The following ZFPM2 variants were observed in gnomAD, a reference collection of about 807,000 sequenced individuals.
ZFPM2 encodes the protein zinc finger protein ZFPM2.
Under a neutral mutation model 98.6 loss-of-function variants are expected in ZFPM2, and 20 were observed. The observed-to-expected ratio is 0.20, with a 90% CI of 0.14 to 0.29. The LOEUF (loss-of-function observed/expected upper bound fraction) is 0.29, where lower values mean the gene tolerates loss of function less well. ZFPM2 is among the 10% of genes least tolerant of loss of function. ZFPM2 has a pLI of 1.00. For synonymous variants in ZFPM2, 518 were observed against 502.7 expected (o/e 1.03, Z -0.41); for missense variants, 1,310 against 1,388.6 (o/e 0.94, Z 0.90).
chr8:105,694,561 T>G (rs1245862322), intron 5 of ZFPM2, among the ~76,000 whole-genome samples: 1 of 152,156 alleles, frequency 6.6e-6, no homozygotes, highest in African/African-American at 2.4e-5. Context: ...AAAAACTAAA[T>G]AAGATATTCA....
At chr8:105,441,478 G>GAAAGAAAGA (rs1563660062) in intron 2 of ZFPM2, among the ~76,000 whole-genome samples, 1 of 71,574 alleles carries the variant, frequency 1.4e-5, no homozygotes. Context: ...AAGAAAGAAA[G>GAAAGAAAGA]AAAGAAAGAA....
At chr8:105,787,040 A>G (rs987826995) in intron 5 of ZFPM2, 2 of 152,250 alleles carry the variant, frequency 1.3e-5, no homozygotes, top group Non-Finnish European at 2.9e-5. Flanking sequence ...CAGTGGAAAG[A>G]TAAGATGCAA....
chr8:105,421,711 A>G (rs1192486683), intron 2 of ZFPM2, among the ~76,000 whole-genome samples: 1 of 152,158 alleles, frequency 6.6e-6, no homozygotes, highest in Non-Finnish European at 1.5e-5. Context: ...AGTGACGCAT[A>G]ATTATGTTTT....
rs57538149 is a variant in ZFPM2 at position 105,587,138 on chromosome 8, G to A, written c.420+25657G>A. 3.0e-3 allele frequency among the ~76,000 whole-genome samples: 452 copies of A among 151,632 alleles called. 4 individuals are homozygous for A. The highest frequency in any genetic ancestry group is 0.01 in the African/African-American group (424 of 41,408). On this transcript the variant is annotated intron_variant, in intron 4 of 7. Transcript: ENST00000407775. ...AAAAAATACAAAAAATTAACCGGGC[G>A]TGGTGGCGGGCACCTGTAGTCCCAG...
At chr8:105,510,596 A>G (rs1813798391) in intron 3 of ZFPM2, among the ~76,000 whole-genome samples, 1 of 152,114 alleles carries the variant, frequency 6.6e-6, no homozygotes, top group Admixed American at 6.5e-5. Context: ...ATTCACAGTA[A>G]AGGTCTCTGG....
At chr8:105,683,837 G>A (rs115256807) in intron 5 of ZFPM2, among the ~76,000 whole-genome samples, 161 of 152,116 alleles carry the variant, frequency 1.1e-3, no homozygotes, top group African/African-American at 3.6e-3. Context: ...TACCCAATTC[G>A]TGTGTTTAGC....
At position 105,397,703 on chromosome 8, in the gene ZFPM2, A is replaced by G. The variant is rs867926963; in HGVS notation, c.41-21441A>G. 3.3e-5 allele frequency among the ~76,000 whole-genome samples: 5 copies of G among 152,244 alleles called. No individual in the cohort carries two copies. The South Asian group carries it at 1.0e-3, about 32-fold the overall frequency. On this transcript the variant is annotated intron_variant, in intron 1 of 7. Transcript: ENST00000407775. Reference sequence around the variant, plus strand: ...GTCTTTGACAATTAAGTTTTATTAAAATTTCCTATAGTTTGTTGTGCCATA... The same window carrying G: ...GTCTTTGACAATTAAGTTTTATTAAGATTTCCTATAGTTTGTTGTGCCATA...
chr8:105,469,334 C>A (rs1394549187), intron 3 of ZFPM2, among the ~76,000 whole-genome samples: 2 of 152,104 alleles, frequency 1.3e-5, no homozygotes, highest in African/African-American at 4.8e-5. Flanking sequence ...CTGTAATGAT[C>A]TCTTCTGTTT....
At chr8:105,406,294 G>A (rs1303009168) in intron 1 of ZFPM2, among the ~76,000 whole-genome samples, 1 of 152,032 alleles carries the variant, frequency 6.6e-6, no homozygotes, top group Admixed American at 6.6e-5. Context: ...GATCCCAATT[G>A]TCAATTTTGG....
intron 4 of ZFPM2, among the ~76,000 whole-genome samples, chr8:105,564,865 T>G (rs1465599037): frequency 6.6e-6 from 1 of 152,132 alleles, no homozygotes; most frequent in African/African-American, 2.4e-5. Context: ...AAAAGTTAAT[T>G]CAAAGACTTC....
At chr8:105,407,490 C>T (rs1279605878) in intron 1 of ZFPM2, among the ~76,000 whole-genome samples, 1 of 151,872 alleles carries the variant, frequency 6.6e-6, no homozygotes, top group East Asian at 1.9e-4. Flanking sequence ...ATTTGTCTGT[C>T]TCTGAGGTCT....
chr8:105,523,501 G>A (rs1337979105), intron 3 of ZFPM2, among the ~76,000 whole-genome samples: 7 of 152,164 alleles, frequency 4.6e-5, no homozygotes, highest in Non-Finnish European at 1.0e-4. Context: ...TGGTGGGATC[G>A]TCAGTATGCA....
intron 5 of ZFPM2, among the ~76,000 whole-genome samples, chr8:105,648,821 A>G (rs1817108387): frequency 6.6e-6 from 1 of 152,128 alleles, no homozygotes; most frequent in African/African-American, 2.4e-5. Context: ...TGATGCCTCC[A>G]GCTTTGTTCT....
At chr8:105,344,649 C>T (rs545391287) in intron 1 of ZFPM2, among the ~76,000 whole-genome samples, 12 of 151,978 alleles carry the variant, frequency 7.9e-5, no homozygotes, top group Non-Finnish European at 1.3e-4. Flanking sequence ...TTTCTGTGTG[C>T]CCCCTTCATT....
At chr8:105,598,816 C>T (rs987214848) in intron 4 of ZFPM2, among the ~76,000 whole-genome samples, 2 of 152,038 alleles carry the variant, frequency 1.3e-5, no homozygotes, top group African/African-American at 4.8e-5. Flanking sequence ...CTTCTTACTT[C>T]TAGCAACCAA....
intron 4 of ZFPM2, among the ~76,000 whole-genome samples, chr8:105,603,758 A>C (rs13282804): frequency 6.6e-6 from 1 of 151,860 alleles, no homozygotes; most frequent in Non-Finnish European, 1.5e-5. Context: ...TTTTAAGAAA[A>C]TGAAAGCAGG....
chr8:105,378,040 T>C lies in ZFPM2; in HGVS notation c.41-41104T>C, dbSNP rs555099127. On this transcript the variant is annotated intron_variant, in intron 1 of 7. Coordinates refer to ENST00000407775, the MANE Select transcript of ZFPM2 (RefSeq NM_012082.4). ...GATGTGAAAAGAAGAGGATTCAAAT[T>C]ATTGCCTCAATGCATATTATATGTC... Among the ~76,000 whole-genome samples the C allele has an allele frequency of 2.6e-5, 4 of 152,294 alleles. No individual in the cohort carries two copies. In the East Asian group the frequency reaches 7.7e-4, roughly 29 times the overall value.
intron 5 of ZFPM2, among the ~76,000 whole-genome samples, chr8:105,695,712 G>C (rs1358474044): frequency 6.6e-6 from 1 of 152,238 alleles, no homozygotes; most frequent in African/African-American, 2.4e-5. Context: ...GGAGACATTA[G>C]AGAAATAAAA....
chr8:105,709,129 A>C (rs183975443), intron 5 of ZFPM2, among the ~76,000 whole-genome samples: 30 of 152,302 alleles, frequency 2.0e-4, no homozygotes, highest in African/African-American at 7.0e-4. Flanking sequence ...GATAGTGTGT[A>C]TTATAAAAGG....
Sources: allele counts gnomAD v4.1 joint callset (sites outside exome capture counted in the v4.1 genomes callset), GRCh38; gene constraint gnomAD v4.1.1; transcripts MANE v1.5; gene names NCBI Gene and HGNC (gene_info 2026-07-23, HGNC 2026-07-21).